EML5: variants seen among roughly 807,000 people sequenced by gnomAD.
The protein encoded by EML5 is echinoderm microtubule-associated protein-like 5.
EML5 carries 120 observed loss-of-function variants against 250.0 expected under a neutral mutation model. That is an observed-to-expected ratio of 0.48 (90% CI 0.41 to 0.56). EML5 has a LOEUF of 0.56. EML5 is among the 20% of genes least tolerant of loss of function. EML5 has a pLI of 0.00. For synonymous variants in EML5, 771 were observed against 806.5 expected, an observed-to-expected ratio of 0.96 and a Z score of 0.75; for missense variants, 2,006 against 2,437.6, an observed-to-expected ratio of 0.82 and a Z score of 3.73.
intron 21 of EML5, among the ~76,000 whole-genome samples, chr14:88,668,344 T>C (rs988012357): frequency 1.3e-5 from 2 of 151,230 alleles, no homozygotes; most frequent in Admixed American, 1.3e-4. Context: ...GAGATAGCAC[T>C]AGCAAAGGAA....
intron 24 of EML5, 88 bp downstream of exon 24, chr14:88,662,943 C>A: frequency 1.1e-6 from 1 of 904,434 alleles, no homozygotes. Flanking sequence ...ACAGACTTCA[C>A]GTGTAACTAA....
chr14:88,639,311 A>G (rs2090926034), intron 31 of EML5, among the ~76,000 whole-genome samples: 1 of 152,198 alleles, frequency 6.6e-6, no homozygotes, highest in African/African-American at 2.4e-5. Context: ...TAAAGGCAGG[A>G]AAGTGTTGTG....
At position 88,644,789 on chromosome 14, in the gene EML5, C is replaced by G. The variant is rs148435982; in HGVS notation, c.4029-278G>C. On this transcript the variant is annotated intron_variant, in intron 29 of 43. Transcript: ENST00000554922. ...GCAGTGGTGCAATCTTGGCTCACTG[C>G]AACCTCTGCCTCCTGGATTCAAGCG... The G allele has an allele frequency of 2.9e-3, 663 of 226,872 alleles. 11 individuals are homozygous for G. Among genetic ancestry groups the G allele is most frequent in the Middle Eastern group, 0.022 (13 of 592 alleles). 14.1% of individuals were successfully genotyped at this position (226,872 alleles called of 1,614,324 possible).
intron 41 of EML5, chr14:88,618,022 CTT>C (rs757727607): frequency 1.3e-5 from 4 of 300,490 alleles, no homozygotes; most frequent in Non-Finnish European, 2.4e-5. Flanking sequence ...AAAAAAAAAA[CTT>C]GATAAATCAT....
At chr14:88,677,260 T>C (rs758382507) in intron 21 of EML5, among the ~76,000 whole-genome samples, 91 of 152,126 alleles carry the variant, frequency 6.0e-4, no homozygotes, top group African/African-American at 4.1e-4. Flanking sequence ...ATGCAGAAAA[T>C]TGAAGCTGGA....
chr14:88,637,261 A>G (rs118071607), intron 32 of EML5, among the ~76,000 whole-genome samples: 1 of 152,214 alleles, frequency 6.6e-6, no homozygotes, highest in Non-Finnish European at 1.5e-5. Flanking sequence ...ATGGAGCTAC[A>G]TATATAATCT....
At chr14:88,694,900 G>T (rs779540967) in intron 16 of EML5, among the ~76,000 whole-genome samples, 1 of 151,976 alleles carries the variant, frequency 6.6e-6, no homozygotes, top group Non-Finnish European at 1.5e-5. Context: ...CTCCTTTAAA[G>T]CATTGTTAAT....
intron 29 of EML5, 92 bp downstream of exon 29, chr14:88,646,854 GA>G: frequency 7.5e-7 from 1 of 1,330,818 alleles, no homozygotes; most frequent in Non-Finnish European, 1.0e-6. Flanking sequence ...GAGAGGTAAA[GA>G]ACACTAAGTA....
At chr14:88,750,143 T>A (rs2094070658) in intron 2 of EML5, among the ~76,000 whole-genome samples, 1 of 152,158 alleles carries the variant, frequency 6.6e-6, no homozygotes, top group South Asian at 2.1e-4. Flanking sequence ...TATAGACAGC[T>A]TATCAAATGG....
Position 88,627,782 on chromosome 14 carries a change from G to T in EML5, c.4395C>A (p.Asn1465Lys), listed in dbSNP as rs1478575446. ...APSIHIWDAM[N>K]KQTLSILRCY... ...ATCTTAGGATAGATAAAGTCTGCTT[G>T]TTCATTGCATCCCAGATGTGAATAG... Residue 1465 changes from asparagine to lysine, a missense_variant, in exon 34 of 44, where the codon AAC (asparagine) becomes AAA (lysine). Physicochemically the swap from Asn to Lys is moderately conservative, Grantham distance 94. This residue lies in a region of EML5 where 1,375 missense variants were observed against 1,590.3 expected (regional missense o/e 0.86). Coordinates refer to ENST00000554922, the MANE Select transcript of EML5 (RefSeq NM_183387.3). The T allele has an allele frequency of 1.9e-6, 3 of 1,607,406 alleles. No individual in the cohort carries two copies. The highest frequency in any genetic ancestry group is 8.5e-7 in the Non-Finnish European group (1 of 1,177,092).
intron 3 of EML5, among the ~76,000 whole-genome samples, chr14:88,744,400 C>T (rs1317027788): frequency 6.6e-6 from 1 of 151,828 alleles, no homozygotes; most frequent in Admixed American, 6.6e-5. Flanking sequence ...AGAATTAGGA[C>T]ACGAAGGGAG....
At chr14:88,769,252 T>C (rs1352225744) in intron 1 of EML5, among the ~76,000 whole-genome samples, 1 of 152,048 alleles carries the variant, frequency 6.6e-6, no homozygotes, top group Non-Finnish European at 1.5e-5. Context: ...TCATGAATGG[T>C]TTACACCTTC....
intron 1 of EML5, among the ~76,000 whole-genome samples, chr14:88,761,248 A>C (rs1390725685): frequency 6.6e-6 from 1 of 151,996 alleles, no homozygotes; most frequent in African/African-American, 2.4e-5. Context: ...CATGTGCAGA[A>C]CGTGCAGGTT....
At position 88,712,423 on chromosome 14, in the gene EML5, C is replaced by G; in HGVS notation, c.1505G>C (p.Cys502Ser). 1 of 1,613,620 alleles carries G rather than the reference C, an allele frequency of 6.2e-7. No homozygotes were observed. ...TCCATTTACTTCAAGGCCTGAAACACATGTCCATGAAGCCCAATGAACACC... is the reference window on the plus strand; with the variant it reads ...TCCATTTACTTCAAGGCCTGAAACAGATGTCCATGAAGCCCAATGAACACC... ...IKGVHWASWT[C>S]VSGLEVNGIW... The change falls in exon 10 of 44, where the codon TGT becomes TCT. Residue 502 changes from cysteine to serine, a missense_variant. Physicochemically the swap from Cys to Ser is moderately radical, Grantham distance 112. Transcript: ENST00000554922.
chr14:88,695,453 C>A lies in EML5; in HGVS notation c.2346G>T (p.Ala782=), dbSNP rs200896608. ...CAACTGATGCCAAACGTTTCCCATC[C>A]GCTGTGGAAAATTAATGAGAGAGAT... ...QYGVSAVDFS[A]DGKRLASVGI... Residue 782 remains alanine (A), a splice_region_variant and synonymous_variant, in exon 16 of 44, where the codon GCG becomes GCT. Coordinates refer to ENST00000554922, the MANE Select transcript of EML5 (RefSeq NM_183387.3). 6.2e-7 allele frequency: 1 copy of A among 1,610,586 alleles called. No individual in the cohort carries two copies. The highest frequency in any genetic ancestry group is 1.7e-5 in the Admixed American group (1 of 59,660).
chr14:88,792,725 C>A lies in EML5; in HGVS notation c.-222G>T. 9.2e-7 allele frequency: 1 copy of A among 1,089,850 alleles called. No individual in the cohort carries two copies. The highest frequency in any genetic ancestry group is 1.1e-6 in the Non-Finnish European group (1 of 898,402). The allele number at this position is 1,089,850 out of a possible 1,614,324, so 67.5% of individuals were successfully genotyped here. ...CGCGGAACATGCTGAGGGCCGCGAG[C>A]GCCGCCGGCTGTCAAGTGGATGCCC... On this transcript the variant is annotated 5_prime_UTR_variant, in exon 1 of 44. Coordinates refer to ENST00000554922, the MANE Select transcript of EML5 (RefSeq NM_183387.3). This position sits in a 1 kb window ranked among gnomAD's most constrained non-coding sequence, Gnocchi z 6.9.
chr14:88,740,108 T>C (rs2093903186), intron 5 of EML5, among the ~76,000 whole-genome samples: 1 of 152,190 alleles, frequency 6.6e-6, no homozygotes, highest in South Asian at 2.1e-4. Context: ...TACTTTTAGA[T>C]TGAAGTCAAC....
rs1345711268 is a variant in EML5 at position 88,756,417 on chromosome 14, G to GA, written c.198-1747dup. On this transcript the variant is annotated intron_variant, in intron 1 of 43. Transcript: ENST00000554922. ...ATAACATATTTAATGATGAAAGCCT[G>GA]AAAGCAATCCCACTAAGTAAAGGGA... 5.9e-5 allele frequency among the ~76,000 whole-genome samples: 9 copies of GA among 152,198 alleles called. No homozygotes were observed. The South Asian group carries it at 1.4e-3, about 25-fold the overall frequency.
Position 88,624,963 on chromosome 14 carries a change from G to A in EML5, c.4898+7C>T, listed in dbSNP as rs1172789779. 1 of 1,612,294 alleles carries A rather than the reference G, an allele frequency of 6.2e-7. No individual in the cohort carries two copies. The highest frequency in any genetic ancestry group is 1.7e-5 in the Admixed American group (1 of 59,648). On this transcript the variant is annotated splice_region_variant and intron_variant, in intron 36 of 43. Transcript: ENST00000554922. ...ATAAATATTCTGTGAAAAGAAAGAGGACTCACGGCCTTTCCTTTCCCCCAG... is the reference window on the plus strand; with the variant it reads ...ATAAATATTCTGTGAAAAGAAAGAGAACTCACGGCCTTTCCTTTCCCCCAG...
Sources: gnomAD v4.1 joint callset for allele counts (sites outside exome capture counted in the v4.1 genomes callset) on GRCh38, gnomAD v4.1.1 for gene constraint, gnomAD v4.1.1 regional missense constraint, Gnocchi (gnomAD v3.1) non-coding constraint, MANE v1.5 for transcripts, NCBI Gene and HGNC (gene_info 2026-07-23, HGNC 2026-07-21) for gene names.